Variants in PALD1 observed in about 807,000 individuals in gnomAD.
PALD1 encodes phosphatase domain containing paladin 1.
PALD1 carries 57 observed loss-of-function variants against 96.0 expected under a neutral mutation model. The observed-to-expected ratio is 0.59, with a 90% CI of 0.48 to 0.74. PALD1 has a LOEUF of 0.74. Ranked by LOEUF, PALD1 falls within the 30% of genes least tolerant of loss-of-function variation. The pLI is 0.00. For synonymous variants in PALD1, 464 were observed against 473.6 expected, an observed-to-expected ratio of 0.98 and a Z score of 0.26; for missense variants, 1,063 against 1,143.7, an observed-to-expected ratio of 0.93 and a Z score of 1.02.
the PALD1 span, among the ~76,000 whole-genome samples, chr10:70,463,028 T>C: frequency 3.9e-5 from 6 of 152,206 alleles, no homozygotes; most frequent in African/African-American, 1.4e-4. Flanking sequence ...CTTTTTCCTC[T>C]ACCCCGTGGT....
rs35468231 is a variant in PALD1, at chr10:70,529,208, GCCCCCCC to G, written c.186-9_186-3del. On this transcript the variant is annotated splice_polypyrimidine_tract_variant and intron_variant, in intron 2 of 19. Transcript: ENST00000263563. ...GGTTGCTTGACTCAGTTTCCATTCTGCCCCCCCCCCCCCCCCCCAGGTACAACTGCAA... is the reference window on the plus strand; with the variant it reads ...GGTTGCTTGACTCAGTTTCCATTCTGCCCCCCCCCCCAGGTACAACTGCAA... 2.7e-3 allele frequency: 729 copies of G among 274,092 alleles called. 6 individuals are homozygous for G. The highest frequency in any genetic ancestry group is 4.9e-3 in the Middle Eastern group (6 of 1,234). 17.0% of individuals were successfully genotyped at this position (274,092 alleles called of 1,614,324 possible).
intron 1 of PALD1, among the ~76,000 whole-genome samples, chr10:70,505,549 A>G (rs1846369797): frequency 6.6e-6 from 1 of 152,120 alleles, no homozygotes; most frequent in African/African-American, 2.4e-5. Context: ...GGTTGCCGTG[A>G]GCCGAGATCA....
At chr10:70,529,068 GGAA>G (rs1183814850) in intron 2 of PALD1, among the ~76,000 whole-genome samples, 158 bp from the exon 3 acceptor site, 2 of 152,060 alleles carry the variant, frequency 1.3e-5, no homozygotes, top group Non-Finnish European at 2.9e-5. Context: ...GTCGTGTTGA[GGAA>G]GAAGGGAAGA....
chr10:70,555,749 C>T (rs1370511802), intron 18 of PALD1, among the ~76,000 whole-genome samples: 2 of 152,208 alleles, frequency 1.3e-5, no homozygotes. Flanking sequence ...CGCCTGTAAT[C>T]CCAACACCTT....
intron 18 of PALD1, among the ~76,000 whole-genome samples, chr10:70,553,074 T>A (rs916910565): frequency 6.6e-6 from 1 of 152,188 alleles, no homozygotes; most frequent in Non-Finnish European, 1.5e-5. Context: ...TGCCGTATGC[T>A]GCTGTTGGGG....
chr10:70,502,096 C>G (rs1046305537), intron 1 of PALD1, among the ~76,000 whole-genome samples: 1 of 152,034 alleles, frequency 6.6e-6, no homozygotes, highest in Non-Finnish European at 1.5e-5. Flanking sequence ...GCCAGGAGTT[C>G]GAGACCAACC....
Position 70,532,701 on chromosome 10 carries a change from T to C in PALD1, c.714T>C (p.Ala238=), listed in dbSNP as rs748950169. The part of the protein sequence containing the change: ...NTEDLWGEPH[A]VAIHGEDDLH... Reference sequence around the variant, plus strand: ...AGGACCTGTGGGGGGAGCCCCATGCTGTGGCCATCCATGGTGAGGACGACT... The same window carrying C: ...AGGACCTGTGGGGGGAGCCCCATGCCGTGGCCATCCATGGTGAGGACGACT... The change falls in exon 6 of 20, where the codon GCT becomes GCC. Residue 238 remains alanine, a synonymous_variant. Coordinates refer to ENST00000263563, the MANE Select transcript of PALD1 (RefSeq NM_014431.3). 2.5e-6 allele frequency: 4 copies of C among 1,614,048 alleles called. No homozygotes were observed. The African/African-American group carries it at 5.3e-5, about 22-fold the overall frequency.
At chr10:70,465,111 A>G in the PALD1 span, among the ~76,000 whole-genome samples, 2 of 151,856 alleles carry the variant, frequency 1.3e-5, no homozygotes, top group Non-Finnish European at 2.9e-5. Context: ...AGTAGCTGGG[A>G]CTACAGGCAC....
At chr10:70,521,988 A>G (rs542511188) in intron 1 of PALD1, among the ~76,000 whole-genome samples, 17 of 152,368 alleles carry the variant, frequency 1.1e-4, no homozygotes, top group African/African-American at 3.8e-4. Flanking sequence ...TTTAAATAAT[A>G]AACAGTAAAC....
At chr10:70,509,203 G>A (rs1219327049) in intron 1 of PALD1, among the ~76,000 whole-genome samples, 3 of 152,194 alleles carry the variant, frequency 2.0e-5, no homozygotes, top group Non-Finnish European at 4.4e-5. Flanking sequence ...CCTGCTCTAA[G>A]CTTCCTAGTG....
rs759767999 is a variant in PALD1 at position 70,537,884 on chromosome 10, TTAAC to T, written c.1304_1307del (p.Asn435ThrfsTer30). The T allele has an allele frequency of 3.1e-6, 5 of 1,612,710 alleles. No individual in the cohort carries two copies. The highest frequency in any genetic ancestry group is 4.2e-6 in the Non-Finnish European group (5 of 1,178,796). On this transcript the variant is annotated frameshift_variant, in exon 11 of 20. Transcript: ENST00000263563. LOFTEE classifies it high-confidence loss of function. ...GAGCGATACTTCTACCTGATCCTGT[TTAAC>T]TACTACCTTCATGAGCAGGTGGGGC...
chr10:70,476,028 G>A (rs1400005001), upstream of PALD1, among the ~76,000 whole-genome samples: 1 of 152,226 alleles, frequency 6.6e-6, no homozygotes, highest in Non-Finnish European at 1.5e-5. Context: ...AGCAATACAA[G>A]CATGATAACA....
intron 1 of PALD1, among the ~76,000 whole-genome samples, chr10:70,520,760 C>A (rs1439018435): frequency 1.1e-4 from 14 of 132,420 alleles, no homozygotes; most frequent in African/African-American, 4.0e-4. Flanking sequence ...GGTGTGATCT[C>A]GGCTCACTGC....
intron 1 of PALD1, among the ~76,000 whole-genome samples, chr10:70,518,545 G>A (rs2132334138): frequency 6.6e-6 from 1 of 152,304 alleles, no homozygotes; most frequent in Admixed American, 6.5e-5. Flanking sequence ...GCAGGACCCT[G>A]ATGACATGAT....
At position 70,486,067 on chromosome 10, in the gene PALD1, C is replaced by T. The variant is rs180897608; in HGVS notation, c.-30+7008C>T. ...TTGGCTTCATTCCAGCAAGTTATGC[C>T]GATTGTTTAGGATTTGAGAGGTTAC... On this transcript the variant is annotated intron_variant, in intron 1 of 19. Transcript: ENST00000263563. 5.2e-4 allele frequency: 117 copies of T among 225,258 alleles called. 1 individual carries two copies. The highest frequency in any genetic ancestry group is 2.5e-3 in the African/African-American group (110 of 43,366). The allele number at this position is 225,258 out of a possible 1,614,324, so 14.0% of individuals were successfully genotyped here.
intron 1 of PALD1, among the ~76,000 whole-genome samples, chr10:70,497,177 A>G (rs1030041446): frequency 6.6e-6 from 1 of 152,172 alleles, no homozygotes; most frequent in Non-Finnish European, 1.5e-5. Context: ...TGTTTGTTGG[A>G]TGTTGGTGCT....
rs1483447781 is a variant in PALD1 at position 70,540,410 on chromosome 10, C to T, written c.1908+648C>T. On this transcript the variant is annotated intron_variant, in intron 15 of 19. Transcript: ENST00000263563. The surrounding 1 kb of genome is among the most constrained non-coding windows in gnomAD (Gnocchi z 4.2). ...TGTGTGGTAGGGTTTGTGGAGGGGT[C>T]GTTAGGAATGTGTGTGTGTGGCATC... 6.7e-6 allele frequency among the ~76,000 whole-genome samples: 1 copy of T among 149,604 alleles called. No homozygotes were observed. The highest frequency in any genetic ancestry group is 2.5e-5 in the African/African-American group (1 of 40,492).
the PALD1 span, among the ~76,000 whole-genome samples, chr10:70,460,721 C>T: frequency 1.3e-5 from 2 of 152,202 alleles, no homozygotes; most frequent in Non-Finnish European, 2.9e-5. Flanking sequence ...TCACTCCCCT[C>T]ACTGAAACCC....
intron 1 of PALD1, 61 bp downstream of exon 1, chr10:70,479,120 AC>A: frequency 2.0e-5 from 3 of 152,438 alleles, no homozygotes; most frequent in South Asian, 2.1e-4. Context: ...TCCCCCGGGC[AC>A]CCCCCAGCCC....
Sources: gnomAD v4.1 joint callset for allele counts (sites outside exome capture counted in the v4.1 genomes callset) on GRCh38, gnomAD v4.1.1 for gene constraint, Gnocchi (gnomAD v3.1) non-coding constraint, MANE v1.5 for transcripts, NCBI Gene and HGNC (gene_info 2026-07-23, HGNC 2026-07-21) for gene names.